BCL2L13: variants seen among roughly 807,000 people sequenced by gnomAD.
The protein encoded by BCL2L13 is bcl-2-like protein 13.
Under a neutral mutation model 25.8 loss-of-function variants are expected in BCL2L13, and 13 were observed. The observed-to-expected ratio is 0.50, with a 90% CI of 0.33 to 0.80. The LOEUF is 0.80. Ranked by LOEUF, BCL2L13 falls within the 30% of genes least tolerant of loss-of-function variation. BCL2L13 has a pLI of 0.02. For synonymous variants in BCL2L13, 244 were observed against 230.3 expected (o/e 1.06, Z -0.54); for missense variants, 504 against 574.9 (o/e 0.88, Z 1.26).
In BCL2L13 at chr22:17,689,125, G is replaced by A; in HGVS notation, c.369G>A (p.Leu123=). Residue 123 remains leucine, a synonymous_variant, in exon 4 of 7, where the codon TTG becomes TTA. Transcript: ENST00000317582. The stretch of plus-strand genomic sequence containing the variant: ...TGAAAGAGCCTCTCCATAAAGCATT[G>A]CAAATGCTCCTGAGCCAGTGAGTTA... ...QELKEPLHKA[L]QMLLSQPVTY... The A allele has an allele frequency of 6.2e-7, 1 of 1,613,970 alleles. No individual in the cohort carries two copies. The highest frequency in any genetic ancestry group is 8.5e-7 in the Non-Finnish European group (1 of 1,179,942).
At chr22:17,706,743 C>T (rs755278199) in intron 6 of BCL2L13, 3 of 1,352,066 alleles carry the variant, frequency 2.2e-6, no homozygotes, top group Non-Finnish European at 2.9e-6. Flanking sequence ...CCTCCCTCCT[C>T]ATTCTCTTTT....
chr22:17,726,350 T>TA (rs56121786), intron 6 of BCL2L13, among the ~76,000 whole-genome samples: 129 of 137,068 alleles, frequency 9.4e-4, no homozygotes, highest in South Asian at 6.6e-3. Context: ...GACTCCATCT[T>TA]AAAAAAAAAA....
chr22:17,648,513 C>T (rs891006361), intron 1 of BCL2L13, among the ~76,000 whole-genome samples: 2 of 151,610 alleles, frequency 1.3e-5, no homozygotes, highest in Admixed American at 6.6e-5. Context: ...GCTGGGGCAA[C>T]ATAGTGAGAC....
chr22:17,706,963 A>G (rs2060611431), intron 6 of BCL2L13: 1 of 599,600 alleles, frequency 1.7e-6, no homozygotes, highest in African/African-American at 1.9e-5. Flanking sequence ...GAATAAAATT[A>G]ATCTTTGTCA....
intron 6 of BCL2L13, among the ~76,000 whole-genome samples, chr22:17,714,089 C>T (rs898758194): frequency 2.0e-5 from 3 of 151,498 alleles, no homozygotes; most frequent in South Asian, 2.1e-4. Context: ...GTCAGGAGAT[C>T]GAGACCATCC....
chr22:17,725,207 T>C (rs1488468846), intron 6 of BCL2L13, among the ~76,000 whole-genome samples: 3 of 152,250 alleles, frequency 2.0e-5, no homozygotes, highest in Admixed American at 6.5e-5. Context: ...ATTATAATTT[T>C]GTACCTCAGA....
chr22:17,657,924 G>A (rs1385964576), intron 2 of BCL2L13, among the ~76,000 whole-genome samples: 3 of 147,600 alleles, frequency 2.0e-5, no homozygotes, highest in Non-Finnish European at 4.4e-5. Context: ...CCGGGTTCAA[G>A]CAATTCTTCT....
intron 1 of BCL2L13, among the ~76,000 whole-genome samples, chr22:17,653,714 G>C (rs533281260): frequency 6.6e-6 from 1 of 151,886 alleles, no homozygotes. Context: ...GTGTTGTCCA[G>C]TCTGGTCTTG....
intron 1 of BCL2L13, among the ~76,000 whole-genome samples, chr22:17,640,679 A>C (rs1038684651): frequency 6.0e-5 from 9 of 149,762 alleles, no homozygotes; most frequent in African/African-American, 1.7e-4. Flanking sequence ...CAACATAAGG[A>C]GACCTTGTCT....
chr22:17,678,404 T>C (rs531990654), intron 2 of BCL2L13, among the ~76,000 whole-genome samples: 1 of 152,224 alleles, frequency 6.6e-6, no homozygotes, highest in East Asian at 1.9e-4. Flanking sequence ...CTGCTCTCTG[T>C]TAACTATTTA....
chr22:17,683,281 TGAA>T lies in BCL2L13; in HGVS notation c.195_197del (p.Glu66del), dbSNP rs2059810413. ...TTTTATTAAAAGTTAAAACTGAAAT[TGAA>T]GAAGAGCTAAAATCTCTGGACAAAG... On this transcript the variant is annotated inframe_deletion, in exon 3 of 7. Transcript: ENST00000317582. 6.3e-7 allele frequency: 1 copy of T among 1,594,150 alleles called. No homozygotes were observed. Among genetic ancestry groups the T allele is most frequent in the Non-Finnish European group, 8.6e-7 (1 of 1,167,308 alleles).
intron 4 of BCL2L13, among the ~76,000 whole-genome samples, chr22:17,691,892 A>G (rs2535704): frequency 0.86 from 131,167 of 152,128 alleles, 56,730 homozygotes; most frequent in East Asian, 0.94. Context: ...TGGCTTGGAC[A>G]AATGTTTATT....
intron 2 of BCL2L13, among the ~76,000 whole-genome samples, chr22:17,662,726 G>A (rs567044277): frequency 2.6e-5 from 4 of 152,132 alleles, no homozygotes; most frequent in Non-Finnish European, 5.9e-5. Flanking sequence ...GGCTGAGGTG[G>A]AAGGATTACT....
At chr22:17,641,031 C>CA (rs1240703231) in intron 1 of BCL2L13, among the ~76,000 whole-genome samples, 6 of 151,828 alleles carry the variant, frequency 4.0e-5, no homozygotes, top group African/African-American at 7.3e-5. Flanking sequence ...GCTGGGACTA[C>CA]AGGTGCCCGC....
intron 2 of BCL2L13, among the ~76,000 whole-genome samples, chr22:17,667,290 G>C (rs183297172): frequency 4.8e-4 from 72 of 151,578 alleles, no homozygotes; most frequent in African/African-American, 1.7e-3. Context: ...TCCTGCCTAA[G>C]CCTCCTGAGT....
intron 2 of BCL2L13, among the ~76,000 whole-genome samples, chr22:17,682,795 A>G (rs920463531): frequency 6.6e-6 from 1 of 152,166 alleles, no homozygotes; most frequent in South Asian, 2.1e-4. Flanking sequence ...TCCCGTCCCT[A>G]ATTTTGATAA....
chr22:17,716,783 A>T (rs1251926860), intron 6 of BCL2L13, among the ~76,000 whole-genome samples: 1 of 152,180 alleles, frequency 6.6e-6, no homozygotes, highest in Non-Finnish European at 1.5e-5. Flanking sequence ...CCTTTATGTA[A>T]TGGCCGGATG....
At chr22:17,634,224 T>C (rs1184814929), upstream of BCL2L13, among the ~76,000 whole-genome samples, 6 of 152,102 alleles carry the variant, frequency 3.9e-5, no homozygotes, top group South Asian at 2.1e-4. Flanking sequence ...CTCACTCTGT[T>C]GCCCAGGCTG....
intron 1 of BCL2L13, among the ~76,000 whole-genome samples, chr22:17,632,037 G>A (rs557764921): frequency 6.6e-6 from 1 of 152,042 alleles, no homozygotes; most frequent in South Asian, 2.1e-4. Context: ...ATATTTTGAA[G>A]GCTGTTAATA....
Sources: allele counts gnomAD v4.1 joint callset (sites outside exome capture counted in the v4.1 genomes callset), GRCh38; gene constraint gnomAD v4.1.1; transcripts MANE v1.5; gene names NCBI Gene and HGNC (gene_info 2026-07-23, HGNC 2026-07-21).